Variants in PDSS2 observed in about 807,000 individuals in gnomAD.
The protein encoded by PDSS2 is decaprenyl diphosphate synthase subunit 2.
A neutral mutation model predicts 44.5 loss-of-function variants in PDSS2; 31 were observed. The ratio of observed to expected loss-of-function variants is 0.70; its 90% CI spans 0.52 to 0.94. The LOEUF (loss-of-function observed/expected upper bound fraction) is 0.94. Among genes scored for constraint, PDSS2 ranks in the 40% least tolerant of loss-of-function variants. PDSS2 has a pLI of 0.00. For missense variants in PDSS2, 452 were observed against 482.2 expected, an observed-to-expected ratio of 0.94 and a Z score of 0.59; for synonymous variants, 157 against 180.3, an observed-to-expected ratio of 0.87 and a Z score of 1.03.
intron 1 of PDSS2, among the ~76,000 whole-genome samples, chr6:107,339,887 T>G (rs1483531600): frequency 6.6e-6 from 1 of 152,190 alleles, no homozygotes; most frequent in Non-Finnish European, 1.5e-5. Flanking sequence ...TGCTGTGGTA[T>G]TTTATTAAGC....
At chr6:107,390,973 C>CT (rs1779760972) in intron 1 of PDSS2, among the ~76,000 whole-genome samples, 1 of 143,456 alleles carries the variant, frequency 7.0e-6, no homozygotes, top group South Asian at 2.2e-4. Flanking sequence ...TTTTTTTAAC[C>CT]TTTTTTGGAA....
At chr6:107,158,608 C>T (rs1470119648) in intron 7 of PDSS2, among the ~76,000 whole-genome samples, 5 of 152,202 alleles carry the variant, frequency 3.3e-5, no homozygotes, top group Non-Finnish European at 7.3e-5. Context: ...GCCTAGGTTT[C>T]CTTGGTCTCT....
chr6:107,248,226 C>T (rs1774692606), intron 3 of PDSS2, among the ~76,000 whole-genome samples: 1 of 151,906 alleles, frequency 6.6e-6, no homozygotes, highest in Admixed American at 6.6e-5. Context: ...ATAACATATT[C>T]CCCCCTCAGA....
chr6:107,379,670 A>C (rs1248030284), intron 1 of PDSS2, among the ~76,000 whole-genome samples: 1 of 152,118 alleles, frequency 6.6e-6, no homozygotes, highest in Non-Finnish European at 1.5e-5. Context: ...CTTTAGTTCT[A>C]CTTTGGTATC....
At chr6:107,258,390 T>A (rs530481551) in intron 3 of PDSS2, among the ~76,000 whole-genome samples, 1 of 139,776 alleles carries the variant, frequency 7.2e-6, no homozygotes, top group African/African-American at 2.4e-5. Flanking sequence ...TCTACAACAT[T>A]TGGAACCATA....
chr6:107,320,416 G>A (rs1252220840), intron 2 of PDSS2, among the ~76,000 whole-genome samples: 1 of 152,180 alleles, frequency 6.6e-6, no homozygotes, highest in African/African-American at 2.4e-5. Context: ...TGTCTCTAAT[G>A]AGTATGAATG....
intron 3 of PDSS2, among the ~76,000 whole-genome samples, chr6:107,253,230 G>T (rs1041512626): frequency 6.6e-5 from 10 of 151,960 alleles, no homozygotes; most frequent in African/African-American, 2.4e-4. Flanking sequence ...GTAGAGACGG[G>T]GTTTCACCAC....
chr6:107,188,660 G>T (rs932002357), intron 7 of PDSS2, among the ~76,000 whole-genome samples: 1 of 152,134 alleles, frequency 6.6e-6, no homozygotes, highest in Non-Finnish European at 1.5e-5. Flanking sequence ...TGGGTCAGGG[G>T]GTCTGATCCC....
At chr6:107,392,566 C>T (rs892743194) in intron 1 of PDSS2, among the ~76,000 whole-genome samples, 2 of 152,106 alleles carry the variant, frequency 1.3e-5, no homozygotes, top group African/African-American at 4.8e-5. Flanking sequence ...AGAAAAATGA[C>T]TACACATAAG....
chr6:107,312,273 C>G (rs976273727), intron 2 of PDSS2, among the ~76,000 whole-genome samples: 2 of 152,214 alleles, frequency 1.3e-5, no homozygotes, highest in Non-Finnish European at 2.9e-5. Flanking sequence ...CTTGCTACCC[C>G]TGATGGCTAT....
At chr6:107,219,415 G>A (rs2114671402) in intron 4 of PDSS2, among the ~76,000 whole-genome samples, 2 of 152,232 alleles carry the variant, frequency 1.3e-5, no homozygotes, top group Middle Eastern at 6.8e-3. Flanking sequence ...AGCCTCCCGA[G>A]TAGCTGGGAC....
intron 2 of PDSS2, among the ~76,000 whole-genome samples, chr6:107,332,460 T>G (rs1023282763): frequency 6.6e-6 from 1 of 152,196 alleles, no homozygotes; most frequent in Non-Finnish European, 1.5e-5. Flanking sequence ...AGGATGTAGA[T>G]GTACTAAAGA....
intron 1 of PDSS2, among the ~76,000 whole-genome samples, chr6:107,455,481 C>T (rs566931586): frequency 6.6e-6 from 1 of 151,948 alleles, no homozygotes; most frequent in African/African-American, 2.4e-5. Flanking sequence ...CTGGGCCAGG[C>T]GCAGTGGCTC....
chr6:107,176,462 AT>A (rs1771793584), intron 7 of PDSS2, among the ~76,000 whole-genome samples: 1 of 151,740 alleles, frequency 6.6e-6, no homozygotes, highest in East Asian at 1.9e-4. Context: ...ACACACAAAT[AT>A]AAAAGCATGT....
intron 1 of PDSS2, among the ~76,000 whole-genome samples, chr6:107,457,620 G>C (rs1480130061): frequency 6.6e-6 from 1 of 152,092 alleles, no homozygotes; most frequent in Non-Finnish European, 1.5e-5. Context: ...CCTCAGGGGG[G>C]GAAAATTGCC....
At chr6:107,217,214 T>C (rs1198659710) in intron 4 of PDSS2, among the ~76,000 whole-genome samples, 2 of 152,158 alleles carry the variant, frequency 1.3e-5, no homozygotes, top group Admixed American at 6.5e-5. Context: ...TAAGCAAAGA[T>C]GTCTATATCC....
At chr6:107,391,372 G>GA (rs1245164375) in intron 1 of PDSS2, among the ~76,000 whole-genome samples, 1 of 152,110 alleles carries the variant, frequency 6.6e-6, no homozygotes, top group Non-Finnish European at 1.5e-5. Context: ...TGGCTAGTAA[G>GA]AAATAGATTT....
chr6:107,372,464 TA>T, intron 1 of PDSS2, among the ~76,000 whole-genome samples: 1 of 152,230 alleles, frequency 6.6e-6, no homozygotes, highest in African/African-American at 2.4e-5. Context: ...TTTTATTTTT[TA>T]TTTTTTGAGA....
chr6:107,307,119 G>C (rs1776884279), intron 2 of PDSS2, among the ~76,000 whole-genome samples: 1 of 152,156 alleles, frequency 6.6e-6, no homozygotes, highest in Non-Finnish European at 1.5e-5. Context: ...CACATTCTGT[G>C]AACATGCATT....
Sources: gnomAD v4.1 joint callset for allele counts (sites outside exome capture counted in the v4.1 genomes callset) on GRCh38, gnomAD v4.1.1 for gene constraint, MANE v1.5 for transcripts, NCBI Gene and HGNC (gene_info 2026-07-23, HGNC 2026-07-21) for gene names.